CAMK2B: variants seen among roughly 807,000 people sequenced by gnomAD.
CAMK2B encodes the protein calcium/calmodulin-dependent protein kinase type II subunit beta.
CAMK2B carries 27 observed loss-of-function variants against 93.7 expected under a neutral mutation model. That is an observed-to-expected ratio of 0.29 (90% CI 0.21 to 0.40). The LOEUF (loss-of-function observed/expected upper bound fraction) is 0.40. Ranked by LOEUF, CAMK2B falls within the 10% of genes least tolerant of loss-of-function variation. The pLI is 1.00. For synonymous variants in CAMK2B, 374 were observed against 358.8 expected (o/e 1.04, Z -0.48); for missense variants, 568 against 895.8 (o/e 0.63, Z 4.67).
intron 1 of CAMK2B, among the ~76,000 whole-genome samples, chr7:44,290,250 C>T (rs1186532743): frequency 1.3e-5 from 2 of 152,238 alleles, no homozygotes; most frequent in Non-Finnish European, 2.9e-5. Flanking sequence ...AAGATCCAAG[C>T]CTGGCTGACC....
chr7:44,285,016 C>T (rs1784665087), intron 1 of CAMK2B, among the ~76,000 whole-genome samples: 1 of 152,144 alleles, frequency 6.6e-6, no homozygotes, highest in South Asian at 2.1e-4. Flanking sequence ...CGGGTTAAGG[C>T]TGCTGAGGCC....
chr7:44,229,529 G>A, intron 17 of CAMK2B, 28 bp from the exon 18 acceptor site: 7 of 1,216,404 alleles, frequency 5.8e-6, no homozygotes, highest in Non-Finnish European at 7.7e-6. Context: ...AGGCAGGCAG[G>A]TGGGTGGTGC....
At chr7:44,273,863 C>A (rs2097001628) in intron 2 of CAMK2B, among the ~76,000 whole-genome samples, 1 of 152,186 alleles carries the variant, frequency 6.6e-6, no homozygotes, top group Admixed American at 6.5e-5. Context: ...GCCTGGGGAC[C>A]CAACCCAGCC....
intron 17 of CAMK2B, chr7:44,230,325 G>A (rs1464007770): frequency 6.6e-6 from 1 of 152,386 alleles, no homozygotes; most frequent in Non-Finnish European, 1.5e-5. Flanking sequence ...CTGGCAGAGT[G>A]GCTGACCCTT....
At chr7:44,285,679 T>G (rs1175838528) in intron 1 of CAMK2B, among the ~76,000 whole-genome samples, 1 of 151,792 alleles carries the variant, frequency 6.6e-6, no homozygotes, top group Non-Finnish European at 1.5e-5. Context: ...TCTTAACGAC[T>G]CAGGTCTCAA....
chr7:44,232,896 A>T, intron 15 of CAMK2B, 30 bp from the exon 16 acceptor site: 1 of 1,599,980 alleles, frequency 6.3e-7, no homozygotes, highest in Non-Finnish European at 8.6e-7. Context: ...CAGAGGAAGG[A>T]AAGAGAGGGA....
At position 44,311,060 on chromosome 7, in the gene CAMK2B, C is replaced by G. The variant is rs1444474148; in HGVS notation, c.65+14297G>C. ...GTACTTGCAATGCTGTCTTTAAAAT[C>G]TGGTTTTTATTTTTATTATTTTTTT... On this transcript the variant is annotated intron_variant, in intron 1 of 23. Coordinates refer to ENST00000395749, the MANE Select transcript of CAMK2B (RefSeq NM_001220.5). This position sits in a 1 kb window ranked among gnomAD's most constrained non-coding sequence, Gnocchi z 4.2. Among the ~76,000 whole-genome samples, 2 of 152,038 alleles carry G rather than the reference C, an allele frequency of 1.3e-5. No homozygotes were observed. Among genetic ancestry groups the G allele is most frequent in the African/African-American group, 4.8e-5 (2 of 41,394 alleles).
At chr7:44,291,244 G>T (rs755338967) in intron 1 of CAMK2B, among the ~76,000 whole-genome samples, 14 of 152,144 alleles carry the variant, frequency 9.2e-5, no homozygotes, top group African/African-American at 3.1e-4. Context: ...TTCCGCCAAG[G>T]GGGGAGAGTG....
intron 2 of CAMK2B, among the ~76,000 whole-genome samples, chr7:44,275,428 T>C (rs2097025283): frequency 1.3e-5 from 2 of 152,232 alleles, no homozygotes; most frequent in Non-Finnish European, 2.9e-5. Context: ...GTTCTCCTGG[T>C]CCTCTTCAGG....
chr7:44,291,186 C>T (rs959036514), intron 1 of CAMK2B, among the ~76,000 whole-genome samples: 5 of 152,210 alleles, frequency 3.3e-5, no homozygotes, highest in African/African-American at 9.7e-5. Flanking sequence ...TTACTCCTCC[C>T]CAGCCTCTCT....
At chr7:44,228,014 G>A (rs2128906474) in intron 19 of CAMK2B, among the ~76,000 whole-genome samples, 1 of 151,850 alleles carries the variant, frequency 6.6e-6, no homozygotes, top group East Asian at 1.9e-4. Context: ...GCGTGGAGAG[G>A]AGGCTGCAGG....
At chr7:44,306,017 C>T (rs902370798) in intron 1 of CAMK2B, among the ~76,000 whole-genome samples, 1 of 152,132 alleles carries the variant, frequency 6.6e-6, no homozygotes, top group Admixed American at 6.5e-5. Context: ...GATGATGTGG[C>T]CTCCCTCTAC....
At chr7:44,270,456 G>A (rs1307336475) in intron 2 of CAMK2B, among the ~76,000 whole-genome samples, 1 of 152,194 alleles carries the variant, frequency 6.6e-6, no homozygotes, top group Non-Finnish European at 1.5e-5. Context: ...GCTGGACTAG[G>A]GTGGCAAGGA....
intron 9 of CAMK2B, 102 bp downstream of exon 9, chr7:44,242,458 G>T: frequency 6.6e-7 from 1 of 1,510,780 alleles, no homozygotes; most frequent in Non-Finnish European, 9.1e-7. Context: ...CCAGGACCTG[G>T]CCACAGGTGG....
intron 20 of CAMK2B, chr7:44,226,008 C>T (rs950882113): frequency 2.0e-6 from 2 of 1,018,542 alleles, no homozygotes; most frequent in African/African-American, 3.3e-5. Flanking sequence ...TCTGTTTCAG[C>T]CTGGCCCCAG....
chr7:44,323,660 C>T (rs747097792), intron 1 of CAMK2B, among the ~76,000 whole-genome samples: 1 of 152,224 alleles, frequency 6.6e-6, no homozygotes, highest in Non-Finnish European at 1.5e-5. Flanking sequence ...TTGAAAGTGG[C>T]TTCTTTGGAG....
At chr7:44,267,366 T>G (rs776151577) in intron 2 of CAMK2B, among the ~76,000 whole-genome samples, 3 of 152,188 alleles carry the variant, frequency 2.0e-5, no homozygotes, top group African/African-American at 7.2e-5. Context: ...CAAGAGGTGA[T>G]GCTTCAGTGG....
In CAMK2B at chr7:44,235,705, C is replaced by T. The variant is rs548155892; in HGVS notation, c.1022-1029G>A. Among the ~76,000 whole-genome samples, 26 of 152,216 alleles carry T rather than the reference C, an allele frequency of 1.7e-4. No individual in the cohort carries two copies. The East Asian group carries it at 2.7e-3, about 16-fold the overall frequency. On this transcript the variant is annotated intron_variant, in intron 13 of 23. Transcript: ENST00000395749. ...AAAGAGCCAGGGCCATGCGGCCAGC[C>T]GGTACAGCAGGGTTAGAGAGGCAGC...
At chr7:44,270,760 G>A (rs1750797344) in intron 2 of CAMK2B, among the ~76,000 whole-genome samples, 1 of 152,216 alleles carries the variant, frequency 6.6e-6, no homozygotes, top group African/African-American at 2.4e-5. Context: ...TCCCCACAGA[G>A]CTGGGCACAC....
Sources: allele counts gnomAD v4.1 joint callset (sites outside exome capture counted in the v4.1 genomes callset), GRCh38; gene constraint gnomAD v4.1.1; non-coding constraint Gnocchi (gnomAD v3.1); transcripts MANE v1.5; gene names NCBI Gene and HGNC (gene_info 2026-07-23, HGNC 2026-07-21).